MACF1: variants seen among roughly 807,000 people sequenced by gnomAD.
The protein encoded by MACF1 is microtubule-actin cross-linking factor 1.
In MACF1, 193 loss-of-function variants were observed where a neutral mutation model predicts 854.8. That is an observed-to-expected ratio of 0.23 (90% CI 0.20 to 0.25). MACF1 has a LOEUF of 0.25. MACF1 is among the 10% of genes least tolerant of loss of function. The pLI is 1.00. For missense variants in MACF1, 7,722 were observed against 8,929.1 expected (o/e 0.86, Z 5.45); for synonymous variants, 3,185 against 3,226.7 (o/e 0.99, Z 0.44).
intron 6 of MACF1, among the ~76,000 whole-genome samples, chr1:39,275,421 C>A (rs996846263): frequency 6.6e-6 from 1 of 151,984 alleles, no homozygotes; most frequent in African/African-American, 2.4e-5. Flanking sequence ...GTTGCCCAGG[C>A]TAGAGAGCAG....
intron 85 of MACF1, among the ~76,000 whole-genome samples, chr1:39,451,746 G>A (rs954447512): frequency 6.6e-6 from 1 of 152,114 alleles, no homozygotes; most frequent in African/African-American, 2.4e-5. Context: ...TTCTGGAAAC[G>A]TTAGTATAAT....
rs1646123592 is a variant in MACF1, at chr1:39,304,373, C to T, written c.2789+1295C>T. The T allele has an allele frequency of 6.5e-6, 6 of 918,446 alleles. No individual in the cohort carries two copies. The South Asian group carries it at 7.7e-5, about 12-fold the overall frequency. 56.9% of individuals were successfully genotyped at this position (918,446 alleles called of 1,614,324 possible). A position where few individuals can be genotyped will look rare whatever the true frequency, so the allele number is the denominator to read the frequency against. ...GTCATCTAGAACTACTTTGGTGCCTCCATATTGTGGGAGAAGAACTTTATC... is the reference window on the plus strand; with the variant it reads ...GTCATCTAGAACTACTTTGGTGCCTTCATATTGTGGGAGAAGAACTTTATC... On this transcript the variant is annotated intron_variant, in intron 23 of 100. Transcript: ENST00000564288.
intron 97 of MACF1, among the ~76,000 whole-genome samples, chr1:39,477,079 A>ATATACACTTAGTG (rs1644911409): frequency 6.6e-5 from 1 of 15,138 alleles, no homozygotes; most frequent in African/African-American, 2.1e-4. Flanking sequence ...ATATATATAT[A>ATATACACTTAGTG]TATATATATA....
intron 2 of MACF1, among the ~76,000 whole-genome samples, chr1:39,133,519 C>T (rs1017499927): frequency 3.3e-5 from 5 of 151,714 alleles, no homozygotes; most frequent in Non-Finnish European, 7.4e-5. Context: ...CTTCCTCGTC[C>T]TCCTCCTCAT....
intron 2 of MACF1, among the ~76,000 whole-genome samples, chr1:39,186,214 CTG>C (rs200739487): frequency 0.013 from 743 of 56,926 alleles, 2 homozygotes; most frequent in East Asian, 0.037. Context: ...CTCTCTCTCT[CTG>C]TGTGTGTGTG....
rs34930273 is a variant in MACF1 at position 39,307,901 on chromosome 1, C to CTTTTTTTTTTTTTTTTTTTTTTTTTTT, written c.2790-1648_2790-1647insTTTTTTTTTTTTTTTTTTTTTTTTTTT. Among the ~76,000 whole-genome samples the CTTTTTTTTTTTTTTTTTTTTTTTTTTT allele has an allele frequency of 6.7e-4, 34 of 50,404 alleles. 3 individuals carry two copies. Among genetic ancestry groups the CTTTTTTTTTTTTTTTTTTTTTTTTTTT allele is most frequent in the East Asian group, 3.4e-3 (5 of 1,450 alleles). 33.1% of individuals were successfully genotyped at this position (50,404 alleles called of 152,430 possible). A position where few individuals can be genotyped will look rare whatever the true frequency, so the allele number is the denominator to read the frequency against. ...TTATTTCTCTTTTCTTTCTTTCTTT[C>CTTTTTTTTTTTTTTTTTTTTTTTTTTT]TTTTTTTTTTTTTTTTTTTTTGAGA... On this transcript the variant is annotated intron_variant, in intron 23 of 100. Transcript: ENST00000564288.
intron 58 of MACF1, among the ~76,000 whole-genome samples, chr1:39,391,624 T>G (rs1289220811): frequency 6.6e-6 from 1 of 152,232 alleles, no homozygotes; most frequent in Non-Finnish European, 1.5e-5. Flanking sequence ...AGAGTCCACA[T>G]GCAGGCATAA....
rs1376954821 is a variant in MACF1 at position 39,388,538 on chromosome 1, C to G, written c.15696C>G (p.Asp5232Glu). 1 of 1,614,032 alleles carries G rather than the reference C, an allele frequency of 6.2e-7. No homozygotes were observed. The highest frequency in any genetic ancestry group is 8.5e-7 in the Non-Finnish European group (1 of 1,180,042). ...AACTGACACTAGGCCGTGTAGAGGACTTCTACAGGAAATTGAAAGGACTCA... is the reference window on the plus strand; with the variant it reads ...AACTGACACTAGGCCGTGTAGAGGAGTTCTACAGGAAATTGAAAGGACTCA... ...QLELTLGRVE[D>E]FYRKLKGLND... Residue 5232 changes from aspartate (D) to glutamate (E), a missense_variant, in exon 58 of 101, where the codon GAC (aspartate) becomes GAG (glutamate). Coordinates refer to ENST00000564288, the MANE Select transcript of MACF1 (RefSeq NM_001394062.1).
At chr1:39,452,594 A>G in intron 86 of MACF1, 90 bp from the exon 87 acceptor site, 2 of 1,539,502 alleles carry the variant, frequency 1.3e-6, no homozygotes, top group Non-Finnish European at 8.9e-7. Flanking sequence ...AAATGTCTGA[A>G]TGAACACTGG....
At chr1:39,218,551 C>T (rs1327110406) in intron 1 of MACF1, among the ~76,000 whole-genome samples, 3 of 152,056 alleles carry the variant, frequency 2.0e-5, no homozygotes, top group African/African-American at 4.8e-5. Flanking sequence ...TGAAATGCTT[C>T]GTTTTTCTGA....
At chr1:39,171,239 G>GTA (rs386366741) in intron 2 of MACF1, among the ~76,000 whole-genome samples, 1 of 151,444 alleles carries the variant, frequency 6.6e-6, no homozygotes, top group Non-Finnish European at 1.5e-5. Flanking sequence ...ATGTGTGTGT[G>GTA]TATTTTTCTC....
intron 2 of MACF1, among the ~76,000 whole-genome samples, chr1:39,154,629 G>A (rs555082264): frequency 1.3e-5 from 2 of 152,250 alleles, no homozygotes; most frequent in East Asian, 1.9e-4. Context: ...CTTTCTCCTC[G>A]ATAGTAACTG....
At chr1:39,281,715 G>A (rs1396972200) in intron 6 of MACF1, among the ~76,000 whole-genome samples, 1 of 152,134 alleles carries the variant, frequency 6.6e-6, no homozygotes, top group Middle Eastern at 3.2e-3. Flanking sequence ...TGCTATAATT[G>A]TGCTATGATT....
Position 39,334,726 on chromosome 1 carries a change from T to A in MACF1, c.8138T>A (p.Val2713Glu), listed in dbSNP as rs1357177085. 1.9e-6 allele frequency: 3 copies of A among 1,614,130 alleles called. No individual in the cohort carries two copies. The highest frequency in any genetic ancestry group is 2.5e-6 in the Non-Finnish European group (3 of 1,180,014). The change falls in exon 37 of 101, where the codon GTG (valine) becomes GAG (glutamate). Residue 2713 changes from valine (V) to glutamate (E), a missense_variant. Coordinates refer to ENST00000564288, the MANE Select transcript of MACF1 (RefSeq NM_001394062.1). Reference protein sequence around the residue: ...TLASALEEKLVDENMVRIIAS... With the variant: ...TLASALEEKLEDENMVRIIAS... Reference sequence around the variant, plus strand: ...GCATCAGCTTTGGAAGAGAAACTGGTGGATGAAAACATGGTCAGAATTATT... The same window carrying A: ...GCATCAGCTTTGGAAGAGAAACTGGAGGATGAAAACATGGTCAGAATTATT...
At chr1:39,111,007 T>C (rs1158401285) in intron 2 of MACF1, among the ~76,000 whole-genome samples, 1 of 152,204 alleles carries the variant, frequency 6.6e-6, no homozygotes, top group Non-Finnish European at 1.5e-5. Flanking sequence ...TTTACTCCTT[T>C]TTCTAAGTAA....
At chr1:39,228,338 G>A (rs952712906) in intron 1 of MACF1, among the ~76,000 whole-genome samples, 1 of 152,084 alleles carries the variant, frequency 6.6e-6, no homozygotes, top group Non-Finnish European at 1.5e-5. Context: ...GGGAATGAAC[G>A]AGGTGGATTT....
chr1:39,114,256 A>C (rs1642490830), intron 2 of MACF1, among the ~76,000 whole-genome samples: 1 of 152,000 alleles, frequency 6.6e-6, no homozygotes, highest in South Asian at 2.1e-4. Flanking sequence ...CAAAAATATA[A>C]ATCAGTTGGC....
At chr1:39,408,179 G>A (rs565843392) in intron 58 of MACF1, among the ~76,000 whole-genome samples, 1 of 152,248 alleles carries the variant, frequency 6.6e-6, no homozygotes, top group Admixed American at 6.5e-5. Flanking sequence ...CTCAGCTGTT[G>A]GCATCCCCAC....
At chr1:39,284,513 T>C (rs1319942043) in intron 11 of MACF1, 85 bp downstream of exon 11, 13 of 802,140 alleles carry the variant, frequency 1.6e-5, no homozygotes, top group Non-Finnish European at 1.9e-5. Context: ...CTTGTATTCT[T>C]TTCCCAAACT....
Sources: allele counts gnomAD v4.1 joint callset (sites outside exome capture counted in the v4.1 genomes callset), GRCh38; gene constraint gnomAD v4.1.1; transcripts MANE v1.5; gene names NCBI Gene and HGNC (gene_info 2026-07-23, HGNC 2026-07-21).